Variants in YTHDF3 observed in about 807,000 individuals in gnomAD.
The protein encoded by YTHDF3 is YTH domain-containing family protein 3.
Under a neutral mutation model 52.5 loss-of-function variants are expected in YTHDF3, and 9 were observed. The ratio of observed to expected loss-of-function variants is 0.17; its 90% CI spans 0.10 to 0.30. YTHDF3 has a LOEUF of 0.30. YTHDF3 is among the 10% of genes least tolerant of loss of function. The pLI is 1.00. For missense variants in YTHDF3, 534 were observed against 715.0 expected, an observed-to-expected ratio of 0.75 and a Z score of 2.89; for synonymous variants, 274 against 243.3, an observed-to-expected ratio of 1.13 and a Z score of -1.18.
Position 63,168,700 on chromosome 8 carries a change from G to A in YTHDF3, c.-178G>A. 8.2e-7 allele frequency: 1 copy of A among 1,219,022 alleles called. No individual in the cohort carries two copies. The highest frequency in any genetic ancestry group is 1.4e-5 in the South Asian group (1 of 73,162). The allele number at this position is 1,219,022 out of a possible 1,614,324, so 75.5% of individuals were successfully genotyped here. ...GGAAGAGGAGCGTGCAAGCGGAAAA[G>A]ACGGGCCTCTTCCTCCGACTCCCGA... On this transcript the variant is annotated 5_prime_UTR_variant, in exon 1 of 5. Coordinates refer to ENST00000539294, the MANE Select transcript of YTHDF3 (RefSeq NM_152758.6).
intron 3 of YTHDF3, among the ~76,000 whole-genome samples, chr8:63,179,881 C>T (rs570594959): frequency 0.011 from 1,532 of 145,708 alleles, 16 homozygotes; most frequent in Non-Finnish European, 0.017. Context: ...ATGGGGCGGC[C>T]GGCCAGGCAG....
intron 2 of YTHDF3, among the ~76,000 whole-genome samples, chr8:63,172,481 G>A (rs193213800): frequency 6.6e-6 from 1 of 152,138 alleles, no homozygotes; most frequent in Non-Finnish European, 1.5e-5. Flanking sequence ...TTTTCGAAAA[G>A]TAGTGGAAAA....
At chr8:63,185,371 G>A (rs937942558) in intron 3 of YTHDF3, among the ~76,000 whole-genome samples, 1 of 151,082 alleles carries the variant, frequency 6.6e-6, no homozygotes, top group Non-Finnish European at 1.5e-5. Flanking sequence ...AGTAATTCTG[G>A]AAAAAATTTA....
At chr8:63,182,749 C>T (rs1420604584) in intron 3 of YTHDF3, among the ~76,000 whole-genome samples, 2 of 152,154 alleles carry the variant, frequency 1.3e-5, no homozygotes, top group African/African-American at 4.8e-5. Context: ...GCCCACCTTT[C>T]CTATGCATCT....
intron 1 of YTHDF3, 33 bp from the exon 2 acceptor site, chr8:63,169,351 TCTC>T (rs751128434): frequency 6.9e-6 from 11 of 1,590,660 alleles, no homozygotes; most frequent in African/African-American, 1.3e-5. Flanking sequence ...TCTTCCTTTT[TCTC>T]CTCTTTACCG....
chr8:63,184,227 A>G (rs1483762137), intron 3 of YTHDF3, among the ~76,000 whole-genome samples: 2 of 152,242 alleles, frequency 1.3e-5, no homozygotes, highest in African/African-American at 2.4e-5. Context: ...TCTGTCAAGG[A>G]CTGTACTGTA....
chr8:63,191,720 A>G (rs1466045440), intron 4 of YTHDF3, among the ~76,000 whole-genome samples: 1 of 152,230 alleles, frequency 6.6e-6, no homozygotes, highest in East Asian at 1.9e-4. Context: ...CCTATAAGAC[A>G]TTTTCCATAT....
chr8:63,172,507 C>T (rs991221687), intron 2 of YTHDF3: 29 of 366,788 alleles, frequency 7.9e-5, no homozygotes, highest in Middle Eastern at 1.4e-3. Context: ...TATATTTTGG[C>T]AATATTCTGT....
chr8:63,182,234 A>ATTTTT (rs11348989), intron 3 of YTHDF3, among the ~76,000 whole-genome samples: 1 of 111,694 alleles, frequency 9.0e-6, no homozygotes, highest in South Asian at 3.3e-4. Context: ...TGCCTGGCTA[A>ATTTTT]TTTTTTTTTT....
intron 2 of YTHDF3, among the ~76,000 whole-genome samples, chr8:63,171,592 A>G (rs1019681746): frequency 1.3e-5 from 2 of 152,214 alleles, no homozygotes; most frequent in African/African-American, 2.4e-5. Flanking sequence ...GGCAAAGGCA[A>G]CACTACCAGT....
chr8:63,205,071 T>C (rs1218608079), intron 4 of YTHDF3, among the ~76,000 whole-genome samples: 1 of 152,106 alleles, frequency 6.6e-6, no homozygotes, highest in Non-Finnish European at 1.5e-5. Context: ...CCTTCTGGGC[T>C]CATTTCCATA....
chr8:63,169,730 CAT>C (rs1434510334), intron 2 of YTHDF3, among the ~76,000 whole-genome samples: 4 of 152,192 alleles, frequency 2.6e-5, no homozygotes, highest in African/African-American at 9.7e-5. Flanking sequence ...AAAATTTCTA[CAT>C]GTGTATATAG....
intron 1 of YTHDF3, 70 bp downstream of exon 1, chr8:63,168,971 G>A: frequency 6.5e-7 from 1 of 1,526,974 alleles, no homozygotes; most frequent in South Asian, 1.2e-5. Flanking sequence ...GCGGGGCTTC[G>A]GCTCCTCCCC....
intron 4 of YTHDF3, among the ~76,000 whole-genome samples, chr8:63,206,392 CTTCA>C (rs1300724706): frequency 1.3e-5 from 2 of 152,074 alleles, no homozygotes; most frequent in African/African-American, 4.8e-5. Flanking sequence ...CTGCTCCAAA[CTTCA>C]TTCATCTTAG....
intron 3 of YTHDF3, chr8:63,175,676 G>A (rs959400620): frequency 1.1e-5 from 3 of 278,268 alleles, no homozygotes; most frequent in Non-Finnish European, 2.1e-5. Flanking sequence ...ATATATTATG[G>A]TTAGGTTTTT....
At position 63,211,341 on chromosome 8, in the gene YTHDF3, T is replaced by C. The variant is rs947748640; in HGVS notation, c.*1635T>C. 1 of 152,522 alleles carries C rather than the reference T, an allele frequency of 6.6e-6. No individual in the cohort carries two copies. Among genetic ancestry groups the C allele is most frequent in the Non-Finnish European group, 1.5e-5 (1 of 67,986 alleles). 9.4% of individuals were successfully genotyped at this position (152,522 alleles called of 1,614,324 possible). A position where few individuals can be genotyped will look rare whatever the true frequency, so the allele number is the denominator to read the frequency against. ...ACATCAAAATATTAATGGTATATTA[T>C]AAAATAAAGACTTTCTTAAAGGAAA... On this transcript the variant is annotated 3_prime_UTR_variant, in exon 5 of 5. Coordinates refer to ENST00000539294, the MANE Select transcript of YTHDF3 (RefSeq NM_152758.6).
intron 4 of YTHDF3, among the ~76,000 whole-genome samples, chr8:63,207,427 T>C (rs891633119): frequency 2.0e-5 from 3 of 152,186 alleles, no homozygotes; most frequent in African/African-American, 7.2e-5. Flanking sequence ...TTTAAACGTG[T>C]AAATGATACA....
At chr8:63,175,048 A>G (rs1293960226) in intron 2 of YTHDF3, among the ~76,000 whole-genome samples, 2 of 152,136 alleles carry the variant, frequency 1.3e-5, no homozygotes, top group Non-Finnish European at 2.9e-5. Context: ...TACTCACTAC[A>G]GTGTTGAGAT....
chr8:63,194,140 G>A lies in YTHDF3; in HGVS notation c.1734+6395G>A, dbSNP rs562011147. Among the ~76,000 whole-genome samples the A allele has an allele frequency of 1.3e-3, 192 of 152,140 alleles. 1 individual carries two copies. The highest frequency in any genetic ancestry group is 3.9e-3 in the African/African-American group (160 of 41,506). On this transcript the variant is annotated intron_variant, in intron 4 of 4. Transcript: ENST00000539294. The stretch of plus-strand genomic sequence containing the variant: ...AACAGAATAAACTGTAGTTAGATGC[G>A]AAAGTATTGGTAACTATACTTTTGC...
Sources: gnomAD v4.1 joint callset for allele counts (sites outside exome capture counted in the v4.1 genomes callset) on GRCh38, gnomAD v4.1.1 for gene constraint, MANE v1.5 for transcripts, NCBI Gene and HGNC (gene_info 2026-07-23, HGNC 2026-07-21) for gene names.